IFT46: variants seen among roughly 807,000 people sequenced by gnomAD.
IFT46 encodes the protein intraflagellar transport protein 46 homolog.
IFT46 carries 19 observed loss-of-function variants against 39.6 expected under a neutral mutation model. The observed-to-expected ratio is 0.48, with a 90% CI of 0.33 to 0.70. The LOEUF (loss-of-function observed/expected upper bound fraction) is 0.70, where lower values mean the gene tolerates loss of function less well. Ranked by LOEUF, IFT46 falls within the 30% of genes least tolerant of loss-of-function variation. The pLI, the probability that IFT46 is intolerant of heterozygous loss-of-function variation, is 0.01. For synonymous variants in IFT46, 117 were observed against 134.8 expected, an observed-to-expected ratio of 0.87 and a Z score of 0.91; for missense variants, 334 against 364.8, an observed-to-expected ratio of 0.92 and a Z score of 0.69.
At chr11:118,548,708 G>A (rs1262474495) in intron 9 of IFT46, among the ~76,000 whole-genome samples, 1 of 151,758 alleles carries the variant, frequency 6.6e-6, no homozygotes, top group African/African-American at 2.4e-5. Context: ...TCACCATGTT[G>A]GCTGGATGGT....
upstream of IFT46, among the ~76,000 whole-genome samples, chr11:118,566,234 G>A (rs1451623783): frequency 6.6e-6 from 1 of 152,182 alleles, no homozygotes; most frequent in African/African-American, 2.4e-5. Context: ...GTTGCTCCCA[G>A]ATCAGTCTTA....
chr11:118,571,844 T>C (rs1938342427), intron 1 of IFT46, among the ~76,000 whole-genome samples: 1 of 152,104 alleles, frequency 6.6e-6, no homozygotes, highest in Non-Finnish European at 1.5e-5. Flanking sequence ...AATCCCAACA[T>C]TGGGAGGCTG....
chr11:118,545,927 G>T, intron 9 of IFT46, 74 bp from the exon 10 acceptor site: 1 of 1,294,042 alleles, frequency 7.7e-7, no homozygotes, highest in Non-Finnish European at 1.1e-6. Context: ...TCTCTCTGAA[G>T]CAAAAGAGCT....
intron 7 of IFT46, among the ~76,000 whole-genome samples, chr11:118,553,088 A>T (rs1555068809): frequency 6.6e-6 from 1 of 151,780 alleles, no homozygotes; most frequent in African/African-American, 2.4e-5. Context: ...TCTCAAAAAA[A>T]AATAATTTGC....
At chr11:118,557,794 G>A (rs1555069814) in intron 3 of IFT46, 3 of 1,614,140 alleles carry the variant, frequency 1.9e-6, no homozygotes, top group Non-Finnish European at 2.5e-6. Flanking sequence ...ACATGAGAAG[G>A]GGTCTGGTGG....
chr11:118,572,959 C>T, exon 1 of IFT46: 1 of 219,586 alleles, frequency 4.6e-6, no homozygotes, highest in Non-Finnish European at 8.9e-6. Flanking sequence ...GGTTCTGGTC[C>T]TTCTGTTAAT....
Position 118,560,700 on chromosome 11 carries a change from T to C in IFT46, c.-35-836A>G, listed in dbSNP as rs1591370231. 20 of 607,154 alleles carry C rather than the reference T, an allele frequency of 3.3e-5. No homozygotes were observed. The East Asian group carries it at 5.7e-4, about 17-fold the overall frequency. 37.6% of individuals were successfully genotyped at this position (607,154 alleles called of 1,614,324 possible). ...TCTCTGTTCCGCAGAATGGGGTTTA[T>C]TAAAGTTGTTAAGAATAAAGCCTAC... On this transcript the variant is annotated intron_variant, in intron 2 of 11. Transcript: ENST00000264021.
At chr11:118,564,898 A>G (rs1555071190) in intron 2 of IFT46, 67 bp downstream of exon 2, 1 of 152,536 alleles carries the variant, frequency 6.6e-6, no homozygotes, top group Admixed American at 6.6e-5. Flanking sequence ...TAAAATAAGA[A>G]CTTCTTGAAG....
intron 2 of IFT46, chr11:118,561,246 G>T: frequency 2.2e-6 from 3 of 1,366,992 alleles, no homozygotes; most frequent in Non-Finnish European, 3.1e-6. Flanking sequence ...GATTCTGAAA[G>T]CAAGGAATTT....
upstream of IFT46, among the ~76,000 whole-genome samples, chr11:118,574,827 C>T (rs1472117602): frequency 6.6e-6 from 1 of 151,978 alleles, no homozygotes; most frequent in African/African-American, 2.4e-5. Flanking sequence ...TATTCACAGG[C>T]GCTATCATAG....
At chr11:118,560,701 T>C in intron 2 of IFT46, 1 of 609,134 alleles carries the variant, frequency 1.6e-6, no homozygotes, top group Non-Finnish European at 3.0e-6. Context: ...TGGGGTTTAT[T>C]AAAGTTGTTA....
chr11:118,553,551 C>T (rs1212313402), intron 7 of IFT46, among the ~76,000 whole-genome samples: 1 of 151,996 alleles, frequency 6.6e-6, no homozygotes, highest in Non-Finnish European at 1.5e-5. Flanking sequence ...TCATTCATTG[C>T]TGGTGGGAAT....
At chr11:118,558,017 T>C in intron 3 of IFT46, 1 of 940,888 alleles carries the variant, frequency 1.1e-6, no homozygotes, top group Non-Finnish European at 1.5e-6. Context: ...GTTTTTATGG[T>C]AAAGCAGCTA....
At chr11:118,555,463 G>A in intron 4 of IFT46, 141 bp from the exon 5 acceptor site, 1 of 621,314 alleles carries the variant, frequency 1.6e-6, no homozygotes, top group East Asian at 2.7e-5. Context: ...TTTCCTGGTG[G>A]CTTGCAAGGC....
At chr11:118,556,087 ATCATAGC>A (rs1555069429) in intron 4 of IFT46, among the ~76,000 whole-genome samples, 2 of 152,120 alleles carry the variant, frequency 1.3e-5, no homozygotes, top group Non-Finnish European at 2.9e-5. Context: ...CAGTGACCCG[ATCATAGC>A]TCATTGCAGT....
chr11:118,571,234 A>C (rs1938329606), intron 1 of IFT46, among the ~76,000 whole-genome samples: 1 of 152,124 alleles, frequency 6.6e-6, no homozygotes, highest in South Asian at 2.1e-4. Flanking sequence ...TTTTTCACAT[A>C]ATATTCTCAA....
upstream of IFT46, among the ~76,000 whole-genome samples, chr11:118,568,857 T>G (rs565049871): frequency 3.3e-5 from 5 of 151,142 alleles, no homozygotes; most frequent in East Asian, 1.0e-3. Context: ...GGTTTCACCA[T>G]GTTGCTCAGG....
rs1951725659 is a variant in IFT46, at chr11:118,547,777, C to T, written c.673-1924G>A. On this transcript the variant is annotated intron_variant, in intron 9 of 11. Transcript: ENST00000264021. ...TTTTTTTTTTTTTGAGACAGAGTCT[C>T]ACTCTTTCGCCCAGGCTGGAGTGTA... Among the ~76,000 whole-genome samples the T allele has an allele frequency of 2.3e-5, 3 of 132,060 alleles. No homozygotes were observed. The South Asian group carries it at 7.8e-4, about 34-fold the overall frequency. 86.6% of individuals were successfully genotyped at this position (132,060 alleles called of 152,430 possible). A position where few individuals can be genotyped will look rare whatever the true frequency, so the allele number is the denominator to read the frequency against.
chr11:118,573,643 C>T, upstream of IFT46: 1 of 701,512 alleles, frequency 1.4e-6, no homozygotes, highest in Non-Finnish European at 2.6e-6. Flanking sequence ...AAACATCGTC[C>T]AGTGTACCTG....
Sources: allele counts gnomAD v4.1 joint callset (sites outside exome capture counted in the v4.1 genomes callset), GRCh38; gene constraint gnomAD v4.1.1; transcripts MANE v1.5; gene names NCBI Gene and HGNC (gene_info 2026-07-23, HGNC 2026-07-21).